Variants in CDKAL1 observed in about 807,000 individuals in gnomAD.
CDKAL1 encodes the protein threonylcarbamoyladenosine tRNA methylthiotransferase.
In CDKAL1, 32 loss-of-function variants were observed where a neutral mutation model predicts 68.2. The observed-to-expected ratio is 0.47, with a 90% confidence interval of 0.35 to 0.63. The LOEUF (loss-of-function observed/expected upper bound fraction) is 0.63, where lower values mean the gene tolerates loss of function less well. CDKAL1 is among the 30% of genes least tolerant of loss of function. The probability of loss-of-function intolerance (pLI) is 0.00; values close to 1 mark genes in which losing one functional copy is unlikely to be tolerated. For missense variants in CDKAL1, 606 were observed against 696.7 expected (o/e 0.87, Z 1.47); for synonymous variants, 234 against 244.3 (o/e 0.96, Z 0.39).
At chr6:21,218,052 G>A (rs1779406138) in intron 15 of CDKAL1, among the ~76,000 whole-genome samples, 1 of 152,170 alleles carries the variant, frequency 6.6e-6, no homozygotes, top group Non-Finnish European at 1.5e-5. Context: ...TTTGTGATTT[G>A]TTTAAGAAGT....
At chr6:21,210,631 T>C (rs1480940604) in intron 15 of CDKAL1, among the ~76,000 whole-genome samples, 1 of 152,216 alleles carries the variant, frequency 6.6e-6, no homozygotes, top group Non-Finnish European at 1.5e-5. Flanking sequence ...TATGTACATA[T>C]GAAACAAAAT....
At chr6:21,152,158 G>T (rs567568168) in intron 13 of CDKAL1, among the ~76,000 whole-genome samples, 3 of 152,124 alleles carry the variant, frequency 2.0e-5, no homozygotes, top group East Asian at 1.9e-4. Context: ...TCTGTCTTTC[G>T]TGTCTCAGAA....
At chr6:21,053,505 A>G (rs1314133381) in intron 11 of CDKAL1, among the ~76,000 whole-genome samples, 1 of 152,210 alleles carries the variant, frequency 6.6e-6, no homozygotes, top group East Asian at 1.9e-4. Flanking sequence ...TTGCTGGGTC[A>G]CAGTAAGTGT....
chr6:20,664,388 C>A lies in CDKAL1; in HGVS notation c.371+15011C>A, dbSNP rs140579846. Reference sequence around the variant, plus strand: ...GTCAACAGCTCATCCTTTGTGCCAACCAACAATTTGCTTTCCAGCTCATAA... The same window carrying A: ...GTCAACAGCTCATCCTTTGTGCCAAACAACAATTTGCTTTCCAGCTCATAA... On this transcript the variant is annotated intron_variant, in intron 5 of 15. Transcript: ENST00000274695. Among the ~76,000 whole-genome samples the A allele has an allele frequency of 1.4e-4, 22 of 152,240 alleles. No homozygotes were observed. The East Asian group carries it at 1.5e-3, about 11-fold the overall frequency.
intron 8 of CDKAL1, among the ~76,000 whole-genome samples, chr6:20,795,793 A>C (rs1259908173): frequency 1.3e-5 from 2 of 152,210 alleles, no homozygotes; most frequent in African/African-American, 2.4e-5. Flanking sequence ...CTTGAAAAGC[A>C]TATACTACCT....
rs899490772 is a variant in CDKAL1 at position 20,684,623 on chromosome 6, T to C, written c.371+35246T>C. Among the ~76,000 whole-genome samples, 5 of 152,258 alleles carry C rather than the reference T, an allele frequency of 3.3e-5. No homozygotes were observed. In the East Asian group the frequency reaches 9.6e-4, roughly 29 times the overall value. On this transcript the variant is annotated intron_variant, in intron 5 of 15. Transcript: ENST00000274695. ...CTGTCTTCCAAGTGACTGTATCATT[T>C]TGCATTTGTATCCACAATGAATGAG...
intron 4 of CDKAL1, among the ~76,000 whole-genome samples, chr6:20,629,900 C>T (rs1767597893): frequency 6.6e-6 from 1 of 152,106 alleles, no homozygotes; most frequent in South Asian, 2.1e-4. Context: ...TGTTGCCAGG[C>T]TGGAGTGCAG....
rs148721126 is a variant in CDKAL1, at chr6:21,148,623, T to G, written c.1299+40160T>G. 2.0e-5 allele frequency among the ~76,000 whole-genome samples: 3 copies of G among 152,288 alleles called. No homozygotes were observed. In the East Asian group the frequency reaches 5.8e-4, roughly 29 times the overall value. ...TAATTACAGATTTTTCTGGATATAT[T>G]TTTCTTTTTTTTACTAGTAACTACT... On this transcript the variant is annotated intron_variant, in intron 13 of 15. Coordinates refer to ENST00000274695, the MANE Select transcript of CDKAL1 (RefSeq NM_017774.3).
intron 5 of CDKAL1, among the ~76,000 whole-genome samples, chr6:20,732,263 C>CTTTCTT (rs1457615376): frequency 7.7e-4 from 64 of 83,466 alleles, no homozygotes; most frequent in East Asian, 4.2e-3. Flanking sequence ...TTCTTTCTTT[C>CTTTCTT]TTTTTTTTTT....
intron 9 of CDKAL1, among the ~76,000 whole-genome samples, chr6:20,942,025 T>G (rs899480073): frequency 1.3e-5 from 2 of 152,192 alleles, no homozygotes; most frequent in East Asian, 3.8e-4. Context: ...TTAATAATGA[T>G]CATTGTACTT....
At chr6:20,782,662 A>G (rs4478387) in intron 8 of CDKAL1, among the ~76,000 whole-genome samples, 68,005 of 151,994 alleles carry the variant, frequency 0.45, 15,438 homozygotes, top group South Asian at 0.5. Context: ...TTGTATTTTA[A>G]TGGTCTCTCC....
intron 12 of CDKAL1, among the ~76,000 whole-genome samples, chr6:21,100,066 G>C (rs866917056): frequency 7.2e-6 from 1 of 139,750 alleles, no homozygotes; most frequent in South Asian, 2.3e-4. Context: ...AGCATTTGTT[G>C]CCTAAAGACC....
intron 13 of CDKAL1, among the ~76,000 whole-genome samples, chr6:21,197,189 TG>T (rs1359065469): frequency 6.6e-6 from 1 of 151,900 alleles, no homozygotes; most frequent in Non-Finnish European, 1.5e-5. Context: ...TAATAATACT[TG>T]ATACCTTAAG....
chr6:20,738,253 C>G (rs1773285412), intron 5 of CDKAL1, among the ~76,000 whole-genome samples: 1 of 152,088 alleles, frequency 6.6e-6, no homozygotes, highest in African/African-American at 2.4e-5. Context: ...GAATTAAAGA[C>G]TTGAAAATTT....
chr6:20,788,276 A>C (rs926445555), intron 8 of CDKAL1, among the ~76,000 whole-genome samples: 3 of 152,214 alleles, frequency 2.0e-5, no homozygotes, highest in African/African-American at 7.2e-5. Flanking sequence ...AATTTATATG[A>C]TGTTCACTAC....
chr6:20,605,887 T>C (rs1766313764), intron 4 of CDKAL1, among the ~76,000 whole-genome samples: 1 of 152,228 alleles, frequency 6.6e-6, no homozygotes, highest in Non-Finnish European at 1.5e-5. Context: ...TGGTCAATGC[T>C]CAGCTGAGTA....
chr6:20,738,485 GTT>G (rs71712438), intron 5 of CDKAL1, among the ~76,000 whole-genome samples: 1,975 of 119,582 alleles, frequency 0.017, 38 homozygotes, highest in African/African-American at 0.053. Flanking sequence ...CTACTTCTTA[GTT>G]TTTTTTTTTT....
At chr6:20,982,048 CTTATTTATTTATTTAT>C (rs35693086) in intron 10 of CDKAL1, among the ~76,000 whole-genome samples, 2,891 of 147,068 alleles carry the variant, frequency 0.02, 90 homozygotes, top group African/African-American at 0.068. Flanking sequence ...GAAGGAAATT[CTTATTTATTTATTTAT>C]TTATTTATTT....
intron 8 of CDKAL1, among the ~76,000 whole-genome samples, chr6:20,816,356 T>C (rs1777048208): frequency 6.6e-6 from 1 of 152,188 alleles, no homozygotes. Context: ...TACTTTCATT[T>C]CTATCAGTGA....
Sources: allele counts gnomAD v4.1 joint callset (sites outside exome capture counted in the v4.1 genomes callset), GRCh38; gene constraint gnomAD v4.1.1; transcripts MANE v1.5; gene names NCBI Gene and HGNC (gene_info 2026-07-23, HGNC 2026-07-21).